The following INPP4B variants were observed in gnomAD, a reference collection of about 807,000 sequenced individuals.
INPP4B encodes the protein inositol polyphosphate 4-phosphatase type II.
INPP4B carries 55 observed loss-of-function variants against 122.5 expected under a neutral mutation model. The observed-to-expected ratio is 0.45, with a 90% CI of 0.36 to 0.56. The LOEUF is 0.56. Ranked by LOEUF, INPP4B falls within the 20% of genes least tolerant of loss-of-function variation. The pLI is 0.00. For synonymous variants in INPP4B, 403 were observed against 388.7 expected (o/e 1.04, Z -0.43); for missense variants, 1,000 against 1,097.7 (o/e 0.91, Z 1.26).
intron 2 of INPP4B, chr4:142,660,743 A>C (rs1323968126): frequency 1.3e-5 from 2 of 152,014 alleles, no homozygotes; most frequent in African/African-American, 2.4e-5. Context: ...ACTTTGATAC[A>C]TGTTTTCTAA....
Position 142,061,853 on chromosome 4 carries a change from CAT to C in INPP4B, c.2642+20176_2642+20177del, listed in dbSNP as rs200861124. Reference sequence around the variant, plus strand: ...ATAAATGCATATATGTACATATATACATATATATATGTACACACACACACACA... The same window carrying C: ...ATAAATGCATATATGTACATATATACATATATATGTACACACACACACACA... On this transcript the variant is annotated intron_variant, in intron 25 of 25. Coordinates refer to ENST00000262992, the MANE Select transcript of INPP4B (RefSeq NM_001101669.3). 4.9e-3 allele frequency among the ~76,000 whole-genome samples: 505 copies of C among 102,908 alleles called. 6 individuals carry two copies. The highest frequency in any genetic ancestry group is 0.018 in the African/African-American group (490 of 27,750). The allele number at this position is 102,908 out of a possible 152,430, so 67.5% of individuals were successfully genotyped here. A position where few individuals can be genotyped will look rare whatever the true frequency, so the allele number is the denominator to read the frequency against.
chr4:142,194,373 T>C (rs1441334367), intron 14 of INPP4B, among the ~76,000 whole-genome samples: 1 of 152,302 alleles, frequency 6.6e-6, no homozygotes, highest in Middle Eastern at 3.4e-3. Flanking sequence ...AAATATTTTC[T>C]AGTCCAGGGG....
intron 10 of INPP4B, among the ~76,000 whole-genome samples, chr4:142,267,019 T>A (rs1048217607): frequency 6.6e-6 from 1 of 152,128 alleles, no homozygotes; most frequent in Non-Finnish European, 1.5e-5. Context: ...AAGATCTGTG[T>A]ACTGAAAACT....
chr4:142,135,173 C>T (rs1040029695), intron 18 of INPP4B, among the ~76,000 whole-genome samples: 1 of 152,096 alleles, frequency 6.6e-6, no homozygotes, highest in Non-Finnish European at 1.5e-5. Context: ...GCCTTCATTC[C>T]ACAATATTGG....
intron 25 of INPP4B, chr4:142,029,818 A>C: frequency 9.8e-7 from 1 of 1,020,716 alleles, no homozygotes; most frequent in Non-Finnish European, 1.2e-6. Flanking sequence ...ATTTAGTGGG[A>C]TGAGGACAGG....
At chr4:142,030,693 T>C (rs1739335946) in intron 25 of INPP4B, among the ~76,000 whole-genome samples, 1 of 152,090 alleles carries the variant, frequency 6.6e-6, no homozygotes, top group Non-Finnish European at 1.5e-5. Context: ...CTTTAGAAAA[T>C]GAAATGAACA....
chr4:142,291,071 T>C (rs1055566902), intron 9 of INPP4B, among the ~76,000 whole-genome samples: 1 of 152,190 alleles, frequency 6.6e-6, no homozygotes, highest in Non-Finnish European at 1.5e-5. Flanking sequence ...ACTCTGTCAG[T>C]GCCTCTGTTT....
intron 25 of INPP4B, chr4:142,029,467 C>A (rs964835576): frequency 7.1e-6 from 7 of 985,854 alleles, no homozygotes; most frequent in African/African-American, 5.2e-5. Context: ...TGTCCACGGA[C>A]AGTACAAAAG....
intron 14 of INPP4B, among the ~76,000 whole-genome samples, chr4:142,198,066 A>G (rs910276490): frequency 6.6e-6 from 1 of 152,134 alleles, no homozygotes; most frequent in African/African-American, 2.4e-5. Context: ...ATTTTTTGTG[A>G]TCACATCAAA....
chr4:142,708,010 G>T (rs1352980907), intron 2 of INPP4B, among the ~76,000 whole-genome samples: 1 of 152,200 alleles, frequency 6.6e-6, no homozygotes, highest in Admixed American at 6.5e-5. Flanking sequence ...AACTTATTGG[G>T]AAATGGAGCA....
chr4:142,161,335 A>G (rs1384165559), intron 16 of INPP4B, among the ~76,000 whole-genome samples: 1 of 152,018 alleles, frequency 6.6e-6, no homozygotes, highest in Non-Finnish European at 1.5e-5. Flanking sequence ...AATGTTTAAC[A>G]GTTTCACCCT....
At chr4:142,443,415 G>A (rs2149456894) in intron 3 of INPP4B, among the ~76,000 whole-genome samples, 1 of 152,224 alleles carries the variant, frequency 6.6e-6, no homozygotes, top group East Asian at 1.9e-4. Context: ...AAAAATGACA[G>A]ACCCTGCTGA....
intron 11 of INPP4B, among the ~76,000 whole-genome samples, chr4:142,246,201 G>A (rs941228670): frequency 2.0e-5 from 3 of 151,664 alleles, no homozygotes; most frequent in Admixed American, 1.3e-4. Context: ...TAGCCTTGGA[G>A]TATAGTTTGA....
chr4:142,364,210 C>T (rs1418471886), intron 7 of INPP4B, among the ~76,000 whole-genome samples: 2 of 151,938 alleles, frequency 1.3e-5, no homozygotes, highest in African/African-American at 2.4e-5. Context: ...AATAAAAGTA[C>T]CCCATATTCT....
chr4:142,770,445 G>A (rs1385508237), intron 1 of INPP4B, among the ~76,000 whole-genome samples: 1 of 151,938 alleles, frequency 6.6e-6, no homozygotes, highest in African/African-American at 2.4e-5. Flanking sequence ...CTTTTTTTCA[G>A]TGAATTAATA....
In INPP4B at chr4:142,321,978, C is replaced by T. The variant is rs935573680; in HGVS notation, c.373-7216G>A. On this transcript the variant is annotated intron_variant, in intron 7 of 25. Coordinates refer to ENST00000262992, the MANE Select transcript of INPP4B (RefSeq NM_001101669.3). Reference sequence around the variant, plus strand: ...AAATCTTCATTTACTATTTTAAGGCCAGCAAACATGTATCAAGCACATATT... The same window carrying T: ...AAATCTTCATTTACTATTTTAAGGCTAGCAAACATGTATCAAGCACATATT... Among the ~76,000 whole-genome samples the T allele has an allele frequency of 3.9e-5, 6 of 152,152 alleles. No individual in the cohort carries two copies. In the South Asian group the frequency reaches 1.2e-3, roughly 32 times the overall value.
intron 1 of INPP4B, among the ~76,000 whole-genome samples, chr4:142,832,035 G>A (rs368071075): frequency 1.4e-4 from 22 of 152,166 alleles, no homozygotes; most frequent in African/African-American, 5.3e-4. Flanking sequence ...TAAGACAGCA[G>A]GAGGGAAAAA....
intron 15 of INPP4B, among the ~76,000 whole-genome samples, chr4:142,187,099 G>A (rs1353768517): frequency 6.6e-6 from 1 of 150,456 alleles, no homozygotes; most frequent in Non-Finnish European, 1.5e-5. Flanking sequence ...AAAAAAAAAT[G>A]TACTCCCAAG....
intron 11 of INPP4B, among the ~76,000 whole-genome samples, chr4:142,252,299 C>T (rs1447154052): frequency 1.2e-4 from 18 of 150,740 alleles, no homozygotes; most frequent in Non-Finnish European, 1.8e-4. Context: ...CGCCATTCTC[C>T]TGCCTCAGCC....
Sources: allele counts gnomAD v4.1 joint callset (sites outside exome capture counted in the v4.1 genomes callset), GRCh38; gene constraint gnomAD v4.1.1; transcripts MANE v1.5; gene names NCBI Gene and HGNC (gene_info 2026-07-23, HGNC 2026-07-21).